VPS13B: variants seen among roughly 807,000 people sequenced by gnomAD.
VPS13B encodes vacuolar protein sorting 13 homolog B, also known as intermembrane lipid transfer protein VPS13B.
In VPS13B, 285 loss-of-function variants were observed where a neutral mutation model predicts 426.4. That is an observed-to-expected ratio of 0.67 (90% CI 0.61 to 0.74). The LOEUF is 0.74. VPS13B is among the 30% of genes least tolerant of loss of function. VPS13B has a pLI of 0.00. For synonymous variants in VPS13B, 1,676 were observed against 1,676.4 expected, an observed-to-expected ratio of 1.00 and a Z score of 0.01; for missense variants, 4,537 against 4,782.6, an observed-to-expected ratio of 0.95 and a Z score of 1.51.
chr8:99,193,907 G>A (rs1443527218), intron 17 of VPS13B, among the ~76,000 whole-genome samples: 1 of 152,092 alleles, frequency 6.6e-6, no homozygotes, highest in Non-Finnish European at 1.5e-5. Context: ...GATTTGGAAT[G>A]TTTGCACATA....
intron 19 of VPS13B, among the ~76,000 whole-genome samples, chr8:99,302,863 G>A (rs1442214270): frequency 3.3e-5 from 5 of 152,074 alleles, no homozygotes; most frequent in East Asian, 1.9e-4. Flanking sequence ...CGTGAAGTAC[G>A]GTTTCTATTG....
chr8:99,540,423 A>G (rs1171159433), intron 30 of VPS13B, among the ~76,000 whole-genome samples: 1 of 152,094 alleles, frequency 6.6e-6, no homozygotes, highest in African/African-American at 2.4e-5. Context: ...AATTAATGAA[A>G]AAAGAGATCT....
chr8:99,428,352 C>G (rs1816856414), intron 21 of VPS13B, among the ~76,000 whole-genome samples: 1 of 152,060 alleles, frequency 6.6e-6, no homozygotes, highest in Admixed American at 6.5e-5. Context: ...GAACAGGCAA[C>G]CTATAGAATG....
intron 40 of VPS13B, among the ~76,000 whole-genome samples, chr8:99,772,342 C>A (rs1563910314): frequency 6.6e-6 from 1 of 151,520 alleles, no homozygotes; most frequent in African/African-American, 2.4e-5. Context: ...TTTTTAATAA[C>A]ATAAAATAAA....
intron 36 of VPS13B, among the ~76,000 whole-genome samples, chr8:99,704,360 G>C (rs1348541031): frequency 1.3e-5 from 2 of 152,062 alleles, no homozygotes; most frequent in Non-Finnish European, 2.9e-5. Flanking sequence ...ATAAAAAGTG[G>C]AGCTCCAACT....
At chr8:99,348,345 G>C (rs983276932) in intron 19 of VPS13B, 29 of 152,096 alleles carry the variant, frequency 1.9e-4, no homozygotes, top group African/African-American at 7.0e-4. Flanking sequence ...CAATTTTATG[G>C]CCTATGTTTT....
chr8:99,068,434 C>A (rs561470173), intron 3 of VPS13B, among the ~76,000 whole-genome samples: 11 of 152,178 alleles, frequency 7.2e-5, no homozygotes, highest in Admixed American at 1.3e-4. Flanking sequence ...GCCCCATGGG[C>A]TCACTGCCTG....
chr8:99,351,515 C>T (rs1811894935), intron 19 of VPS13B, among the ~76,000 whole-genome samples: 1 of 150,988 alleles, frequency 6.6e-6, no homozygotes, highest in South Asian at 2.1e-4. Context: ...AATGTGTTCA[C>T]CTTTCTTTCT....
intron 39 of VPS13B, among the ~76,000 whole-genome samples, chr8:99,726,179 G>T (rs1170591640): frequency 1.3e-5 from 2 of 152,142 alleles, no homozygotes; most frequent in African/African-American, 2.4e-5. Context: ...ACTAATCATA[G>T]GTTCTGAATA....
chr8:99,401,964 G>A lies in VPS13B; in HGVS notation c.3082+10260G>A, dbSNP rs141269614. Among the ~76,000 whole-genome samples, 636 of 152,222 alleles carry A rather than the reference G, an allele frequency of 4.2e-3. 5 individuals are homozygous for A. The highest frequency in any genetic ancestry group is 0.015 in the African/African-American group (611 of 41,538). On this transcript the variant is annotated intron_variant, in intron 21 of 61. Transcript: ENST00000357162. ...TGGCCAGGCTAGTCTCAAACTCCTG[G>A]ACTCAGGCCAGGAACACCCTATGGG...
intron 33 of VPS13B, among the ~76,000 whole-genome samples, chr8:99,621,243 TC>T (rs1163792560): frequency 2.0e-5 from 3 of 152,182 alleles, no homozygotes; most frequent in Non-Finnish European, 2.9e-5. Context: ...CCCCAGTCTC[TC>T]TGTATATGGA....
chr8:99,174,254 T>A (rs1588113562), intron 16 of VPS13B, among the ~76,000 whole-genome samples: 2 of 152,232 alleles, frequency 1.3e-5, no homozygotes, highest in South Asian at 4.1e-4. Context: ...TCTCACCTTT[T>A]AGCTATTGTG....
intron 19 of VPS13B, among the ~76,000 whole-genome samples, chr8:99,338,869 C>G (rs1000012481): frequency 5.3e-5 from 8 of 152,140 alleles, no homozygotes; most frequent in African/African-American, 1.9e-4. Flanking sequence ...TTCTCCCACT[C>G]TATCTGTGGT....
intron 39 of VPS13B, among the ~76,000 whole-genome samples, chr8:99,760,382 G>A (rs991089601): frequency 2.6e-5 from 4 of 152,064 alleles, no homozygotes; most frequent in African/African-American, 9.7e-5. Flanking sequence ...AGAAAATAAA[G>A]TCAAAAATCC....
At chr8:99,037,938 A>G (rs1164446076) in intron 2 of VPS13B, among the ~76,000 whole-genome samples, 1 of 150,288 alleles carries the variant, frequency 6.7e-6, no homozygotes, top group African/African-American at 2.5e-5. Flanking sequence ...ATACTGTTCT[A>G]TTAGTTTAAA....
intron 34 of VPS13B, among the ~76,000 whole-genome samples, chr8:99,646,952 T>C (rs1239765658): frequency 6.6e-6 from 1 of 152,182 alleles, no homozygotes; most frequent in Non-Finnish European, 1.5e-5. Context: ...AATCCAAATA[T>C]ATCTTTTTTC....
chr8:99,065,868 A>T (rs989234868), intron 3 of VPS13B, among the ~76,000 whole-genome samples: 1 of 152,258 alleles, frequency 6.6e-6, no homozygotes, highest in African/African-American at 2.4e-5. Flanking sequence ...AATAACAGAC[A>T]GAGAGCCAAA....
At chr8:99,832,341 A>ATTTTTTTTTTTTTTTTTTTTTTTTTCTT in intron 51 of VPS13B, 28 bp from the exon 52 acceptor site, 1 of 1,192,552 alleles carries the variant, frequency 8.4e-7, no homozygotes, top group Non-Finnish European at 1.1e-6. Context: ...TGCTCTCTGC[A>ATTTTTTTTTTTTTTTTTTTTTTTTTCTT]TTTTTTTTTT....
intron 35 of VPS13B, among the ~76,000 whole-genome samples, chr8:99,669,145 G>T (rs1173278997): frequency 6.6e-6 from 1 of 152,068 alleles, no homozygotes; most frequent in Non-Finnish European, 1.5e-5. Flanking sequence ...CATACTTCTT[G>T]CAAATTCAAA....
Sources: allele counts gnomAD v4.1 joint callset (sites outside exome capture counted in the v4.1 genomes callset), GRCh38; gene constraint gnomAD v4.1.1; transcripts MANE v1.5; gene names NCBI Gene and HGNC (gene_info 2026-07-23, HGNC 2026-07-21).